IGSF11: variants seen among roughly 807,000 people sequenced by gnomAD.
IGSF11 encodes immunoglobulin superfamily member 11, also known as CXADR like 1.
IGSF11 carries 22 observed loss-of-function variants against 41.0 expected under a neutral mutation model. The ratio of observed to expected loss-of-function variants is 0.54; its 90% confidence interval spans 0.38 to 0.77. The LOEUF is 0.77. Ranked by LOEUF, IGSF11 falls within the 30% of genes least tolerant of loss-of-function variation. The pLI is 0.00. For missense variants in IGSF11, 444 were observed against 530.8 expected, an observed-to-expected ratio of 0.84 and a Z score of 1.61; for synonymous variants, 219 against 201.3, an observed-to-expected ratio of 1.09 and a Z score of -0.74.
chr3:118,994,191 G>T (rs1936054687), intron 1 of IGSF11, among the ~76,000 whole-genome samples: 1 of 152,046 alleles, frequency 6.6e-6, no homozygotes, highest in Non-Finnish European at 1.5e-5. Flanking sequence ...TCTAGAGTTG[G>T]GCTGGCTCTG....
intron 1 of IGSF11, among the ~76,000 whole-genome samples, chr3:119,001,851 T>G (rs1012837430): frequency 6.1e-5 from 8 of 131,792 alleles, no homozygotes; most frequent in Non-Finnish European, 1.1e-4. Context: ...TGTGCCACAT[T>G]TTCTTAATCC....
At chr3:119,145,754 T>A (rs1018784778) in intron 1 of IGSF11, 1 of 163,602 alleles carries the variant, frequency 6.1e-6, no homozygotes, top group Non-Finnish European at 1.3e-5. Flanking sequence ...CAGCTGGTTG[T>A]GTGTTCATCT....
intron 1 of IGSF11, among the ~76,000 whole-genome samples, chr3:119,128,333 G>C (rs1476869016): frequency 6.7e-6 from 1 of 149,950 alleles, no homozygotes; most frequent in African/African-American, 2.5e-5. Context: ...ACTCCAGCCT[G>C]GGTGAGAGTG....
rs1941479702 is a variant in IGSF11, at chr3:118,919,168, C to A, written c.580+6933G>T. 3.7e-5 allele frequency among the ~76,000 whole-genome samples: 5 copies of A among 135,230 alleles called. No homozygotes were observed. The South Asian group carries it at 1.1e-3, about 29-fold the overall frequency. 88.7% of individuals were successfully genotyped at this position (135,230 alleles called of 152,430 possible). On this transcript the variant is annotated intron_variant, in intron 4 of 6. Transcript: ENST00000393775. ...AACCATAAAAACCCTAGAAGAAAAC[C>A]TAGGCATTACCATTCAGGACATAGG...
chr3:119,110,245 C>A (rs977937526), intron 1 of IGSF11, among the ~76,000 whole-genome samples: 19 of 151,822 alleles, frequency 1.3e-4, no homozygotes, highest in South Asian at 1.1e-3. Context: ...GTAGGTCACT[C>A]AGGACTTGCT....
intron 1 of IGSF11, among the ~76,000 whole-genome samples, chr3:119,104,069 T>C (rs2076981019): frequency 6.6e-6 from 1 of 152,174 alleles, no homozygotes; most frequent in African/African-American, 2.4e-5. Context: ...CAGTACCGTA[T>C]TTACTTAGCC....
At chr3:119,073,503 G>A (rs571050425) in intron 1 of IGSF11, among the ~76,000 whole-genome samples, 59 of 152,170 alleles carry the variant, frequency 3.9e-4, no homozygotes, top group Non-Finnish European at 7.8e-4. Context: ...AGCCCACCGT[G>A]GGGGGGCTCG....
At chr3:118,910,474 G>A (rs765515194) in intron 4 of IGSF11, among the ~76,000 whole-genome samples, 1 of 152,088 alleles carries the variant, frequency 6.6e-6, no homozygotes. Flanking sequence ...TGTCACTAGG[G>A]ACTTAGTTCA....
chr3:119,109,951 G>A (rs1313778700), upstream of IGSF11, among the ~76,000 whole-genome samples: 1 of 152,182 alleles, frequency 6.6e-6, no homozygotes, highest in East Asian at 1.9e-4. Context: ...TGTGGTCTGA[G>A]AGACACTTTG....
At chr3:119,100,224 G>A (rs955253898) in intron 1 of IGSF11, among the ~76,000 whole-genome samples, 14 of 152,178 alleles carry the variant, frequency 9.2e-5, no homozygotes, top group African/African-American at 3.4e-4. Context: ...AAGTCAAGGA[G>A]GTCAGTTTGA....
intron 1 of IGSF11, among the ~76,000 whole-genome samples, chr3:118,956,908 T>C (rs925129098): frequency 2.6e-5 from 4 of 152,120 alleles, no homozygotes; most frequent in Admixed American, 1.3e-4. Context: ...CTGTGAAGCA[T>C]AATACACTGA....
intron 1 of IGSF11, among the ~76,000 whole-genome samples, chr3:119,029,283 A>G (rs1032638237): frequency 6.8e-6 from 1 of 147,772 alleles, no homozygotes; most frequent in African/African-American, 2.5e-5. Context: ...CACCCGAGAG[A>G]GAGAGAGAAT....
chr3:118,974,927 A>T (rs1449935451), intron 1 of IGSF11, among the ~76,000 whole-genome samples: 1 of 152,118 alleles, frequency 6.6e-6, no homozygotes, highest in Non-Finnish European at 1.5e-5. Context: ...AAAAAAAAAA[A>T]ATTGCCCTTC....
At chr3:119,105,155 A>G in exon 1 of IGSF11, 1 of 1,607,528 alleles carries the variant, frequency 6.2e-7, no homozygotes, top group Non-Finnish European at 8.5e-7. Flanking sequence ...AGTTCTAGAA[A>G]AGCAGTTCCA....
intron 1 of IGSF11, among the ~76,000 whole-genome samples, chr3:119,122,841 G>A (rs1350044299): frequency 6.6e-6 from 1 of 152,200 alleles, no homozygotes; most frequent in African/African-American, 2.4e-5. Context: ...AACCAGCAGT[G>A]ATACCCAGGT....
At chr3:118,950,643 A>G (rs1944504063) in intron 1 of IGSF11, among the ~76,000 whole-genome samples, 1 of 151,942 alleles carries the variant, frequency 6.6e-6, no homozygotes, top group African/African-American at 2.4e-5. Context: ...ATACATTATA[A>G]TAATACATTA....
Position 119,105,164 on chromosome 3 carries a change from C to T in IGSF11, c.29G>A (p.Trp10Ter), listed in dbSNP as rs763721102. 3 of 1,609,700 alleles carry T rather than the reference C, an allele frequency of 1.9e-6. No homozygotes were observed. The East Asian group carries it at 6.7e-5, about 36-fold the overall frequency. Reference sequence around the variant, plus strand: ...CTAACCAGTTCTAGAAAAGCAGTTCCACCAGAGCAAAAGTTCCACCAGAGA... The same window carrying T: ...CTAACCAGTTCTAGAAAAGCAGTTCTACCAGAGCAAAAGTTCCACCAGAGA... The change falls in exon 1 of 7, where the codon TGG becomes TAG. Residue 10 changes from tryptophan to a stop codon, truncating the protein, a stop_gained. Transcript: ENST00000354673. LOFTEE classifies it high-confidence loss of function.
At position 118,905,641 on chromosome 3, in the gene IGSF11, C is replaced by T; in HGVS notation, c.658G>A (p.Ala220Thr). Residue 220 changes from alanine (A) to threonine (T), a missense_variant, in exon 5 of 7, where the codon GCT becomes ACT. This residue lies in a region of IGSF11 where 193 missense variants were observed against 283.5 expected (regional missense o/e 0.68). Coordinates refer to ENST00000393775, the MANE Select transcript of IGSF11 (RefSeq NM_001015887.3). ...AGAAGACAGGTGCTGGTTCCAATAG[C>T]ATTAGAAGCCACGCACTGGTACAAA... ...SGLYQCVASNAIGTSTCLLDL... is the reference protein window; with the variant it reads ...SGLYQCVASNTIGTSTCLLDL... 1.2e-6 allele frequency: 2 copies of T among 1,613,844 alleles called. No homozygotes were observed. The highest frequency in any genetic ancestry group is 1.1e-5 in the South Asian group (1 of 91,072).
intron 1 of IGSF11, among the ~76,000 whole-genome samples, chr3:119,129,962 G>A (rs2077456111): frequency 1.3e-5 from 2 of 152,008 alleles, no homozygotes; most frequent in South Asian, 4.2e-4. Context: ...TCCAGTATGG[G>A]CAACAGACCA....
Sources: gnomAD v4.1 joint callset for allele counts (sites outside exome capture counted in the v4.1 genomes callset) on GRCh38, gnomAD v4.1.1 for gene constraint, gnomAD v4.1.1 regional missense constraint, MANE v1.5 for transcripts, NCBI Gene and HGNC (gene_info 2026-07-23, HGNC 2026-07-21) for gene names.